Variants in UNC80 observed in about 807,000 individuals in gnomAD.
UNC80 encodes the protein protein unc-80 homolog.
UNC80 carries 164 observed loss-of-function variants against 384.6 expected under a neutral mutation model. The observed-to-expected ratio is 0.43, with a 90% confidence interval of 0.38 to 0.49. The LOEUF is 0.49. Among genes scored for constraint, UNC80 ranks in the 20% least tolerant of loss-of-function variants. UNC80 has a pLI of 0.00. For missense variants in UNC80, 3,330 were observed against 4,143.0 expected (o/e 0.80, Z 5.39); for synonymous variants, 1,486 against 1,527.8 (o/e 0.97, Z 0.64).
chr2:209,975,830 C>G (rs1469979811), intron 56 of UNC80, among the ~76,000 whole-genome samples: 8 of 152,098 alleles, frequency 5.3e-5, no homozygotes, highest in Non-Finnish European at 1.0e-4. Context: ...ATTTTCCTTT[C>G]AATTCAGTGG....
At position 209,773,071 on chromosome 2, in the gene UNC80, A is replaced by G. The variant is rs762828949; in HGVS notation, c.93-23A>G. The G allele has an allele frequency of 2.5e-6, 4 of 1,588,390 alleles. No individual in the cohort carries two copies. The Admixed American group carries it at 6.7e-5, about 27-fold the overall frequency. The stretch of plus-strand genomic sequence containing the variant: ...AATAATTTTACTTATGTTTATTAAC[A>G]AATATCTCTATTAATTTTTCAGTGC... On this transcript the variant is annotated intron_variant, in intron 1 of 64. Transcript: ENST00000673920.
chr2:209,939,793 G>A (rs1198149737), intron 43 of UNC80, 141 bp downstream of exon 43: 1 of 720,760 alleles, frequency 1.4e-6, no homozygotes, highest in East Asian at 3.0e-5. Context: ...GTATACATGT[G>A]CCATGTTGGT....
At chr2:209,959,302 G>T in intron 50 of UNC80, 148 bp downstream of exon 50, 1 of 1,178,922 alleles carries the variant, frequency 8.5e-7, no homozygotes, top group Non-Finnish European at 1.2e-6. Flanking sequence ...ACTACAGTTT[G>T]GGATGACAGT....
Position 209,865,411 on chromosome 2 carries a change from G to A in UNC80, c.3628-7347G>A, listed in dbSNP as rs376949207. Among the ~76,000 whole-genome samples the A allele has an allele frequency of 2.7e-4, 41 of 152,132 alleles. No individual in the cohort carries two copies. The East Asian group carries it at 7.4e-3, about 27-fold the overall frequency. ...AGGTCAGGAGATCGAGACCATCCTG[G>A]CTAACACGGTGAAACCCCATCTCTA... On this transcript the variant is annotated intron_variant, in intron 22 of 64. Coordinates refer to ENST00000673920, the MANE Select transcript of UNC80 (RefSeq NM_001371986.1).
intron 7 of UNC80, among the ~76,000 whole-genome samples, chr2:209,798,772 G>A (rs2078334756): frequency 6.6e-6 from 1 of 150,812 alleles, no homozygotes; most frequent in Admixed American, 6.6e-5. Flanking sequence ...CCACCTCCCA[G>A]GTTCACGCCA....
chr2:209,931,711 T>C (rs1388298565), intron 38 of UNC80, among the ~76,000 whole-genome samples: 3 of 152,192 alleles, frequency 2.0e-5, no homozygotes, highest in African/African-American at 7.2e-5. Flanking sequence ...GGTGATAAAT[T>C]TAACTCCCAC....
At position 209,882,092 on chromosome 2, in the gene UNC80, G is replaced by T. The variant is rs144098129; in HGVS notation, c.4110+998G>T. Reference sequence around the variant, plus strand: ...CACCATTCTCCTGCCACAGCCTCCCGAGTAGCTGGGACTACAGGCGCGTGC... The same window carrying T: ...CACCATTCTCCTGCCACAGCCTCCCTAGTAGCTGGGACTACAGGCGCGTGC... On this transcript the variant is annotated intron_variant, in intron 25 of 64. Coordinates refer to ENST00000673920, the MANE Select transcript of UNC80 (RefSeq NM_001371986.1). Among the ~76,000 whole-genome samples the T allele has an allele frequency of 9.3e-3, 1,392 of 150,128 alleles. 20 individuals carry two copies. Among genetic ancestry groups the T allele is most frequent in the African/African-American group, 0.031 (1,256 of 40,762 alleles).
At chr2:209,813,527 C>G (rs1391443252) in intron 7 of UNC80, 53 bp from the exon 8 acceptor site, 2 of 1,519,878 alleles carry the variant, frequency 1.3e-6, no homozygotes, top group African/African-American at 1.4e-5. Flanking sequence ...GCTGTGCTGC[C>G]CCTCTGAAAG....
At position 209,995,053 on chromosome 2, in the gene UNC80, G is replaced by A. The variant is rs1201750607; in HGVS notation, c.9709-276G>A. Among the ~76,000 whole-genome samples, 13 of 152,014 alleles carry A rather than the reference G, an allele frequency of 8.6e-5. 1 individual carries two copies. On this transcript the variant is annotated intron_variant, in intron 64 of 64. Transcript: ENST00000673920. ...GTATACATTTGTATAGTCTTTAATGGTTAAAAAACATTTTAACACTAAGCA... is the reference window on the plus strand; with the variant it reads ...GTATACATTTGTATAGTCTTTAATGATTAAAAAACATTTTAACACTAAGCA...
At chr2:209,950,464 G>A (rs538569149) in intron 47 of UNC80, among the ~76,000 whole-genome samples, 10 of 150,730 alleles carry the variant, frequency 6.6e-5, no homozygotes, top group African/African-American at 2.4e-4. Context: ...TTCCCTTTAC[G>A]AATAACCAGT....
intron 15 of UNC80, among the ~76,000 whole-genome samples, chr2:209,830,987 C>A (rs1033672543): frequency 6.6e-6 from 1 of 152,152 alleles, no homozygotes; most frequent in African/African-American, 2.4e-5. Flanking sequence ...GTTGGCCCCA[C>A]CTTATTCCAC....
chr2:209,925,680 C>T (rs986119236), intron 35 of UNC80, among the ~76,000 whole-genome samples: 8 of 152,122 alleles, frequency 5.3e-5, no homozygotes, highest in Non-Finnish European at 8.8e-5. Context: ...CTGACTGGTG[C>T]GATTTTACAG....
rs79122392 is a variant in UNC80 at position 209,955,650 on chromosome 2, A to G, written c.7457+1380A>G. On this transcript the variant is annotated intron_variant, in intron 48 of 64. Coordinates refer to ENST00000673920, the MANE Select transcript of UNC80 (RefSeq NM_001371986.1). ...ACTGGCCTTTTCCTACAACTAGAAG[A>G]AAGAAAAGCAGTCAATTGTTCCCAA... Among the ~76,000 whole-genome samples, 1,195 of 144,340 alleles carry G rather than the reference A, an allele frequency of 8.3e-3. 16 individuals are homozygous for G. The highest frequency in any genetic ancestry group is 0.027 in the African/African-American group (1,065 of 38,890). 94.7% of individuals were successfully genotyped at this position (144,340 alleles called of 152,430 possible). A position where few individuals can be genotyped will look rare whatever the true frequency, so the allele number is the denominator to read the frequency against.
rs1574376210 is a variant in UNC80 at position 209,771,914 on chromosome 2, T to C, written c.-159T>C. On this transcript the variant is annotated 5_prime_UTR_variant, in exon 1 of 65. Coordinates refer to ENST00000673920, the MANE Select transcript of UNC80 (RefSeq NM_001371986.1). The stretch of plus-strand genomic sequence containing the variant: ...GCCATGTTCCACGCGCGGGGAGGGG[T>C]GGGGGGAGGGGAGAGGCACGGGGGA... 1 of 546,674 alleles carries C rather than the reference T, an allele frequency of 1.8e-6. No individual in the cohort carries two copies. Among genetic ancestry groups the C allele is most frequent in the South Asian group, 1.9e-5 (1 of 51,900 alleles). 33.9% of individuals were successfully genotyped at this position (546,674 alleles called of 1,614,324 possible).
chr2:209,803,965 G>GA (rs2078722104), intron 7 of UNC80, among the ~76,000 whole-genome samples: 1 of 152,030 alleles, frequency 6.6e-6, no homozygotes, highest in Non-Finnish European at 1.5e-5. Context: ...TTGAACCCCT[G>GA]GCCTCAAGTG....
At chr2:209,972,586 T>A (rs902633725) in intron 55 of UNC80, among the ~76,000 whole-genome samples, 1 of 152,218 alleles carries the variant, frequency 6.6e-6, no homozygotes, top group Non-Finnish European at 1.5e-5. Flanking sequence ...GAACAGTCAT[T>A]CAATTCAGTT....
chr2:209,961,659 GA>G (rs917359348), intron 51 of UNC80, among the ~76,000 whole-genome samples: 7 of 151,822 alleles, frequency 4.6e-5, no homozygotes, highest in African/African-American at 1.7e-4. Flanking sequence ...AGCAAAGAAT[GA>G]AAAAAAGATT....
chr2:209,978,763 G>C, intron 59 of UNC80, 55 bp downstream of exon 59: 1 of 1,404,232 alleles, frequency 7.1e-7, no homozygotes, highest in Non-Finnish European at 9.5e-7. Flanking sequence ...TACGAGCAGG[G>C]GCTTGGGAAG....
chr2:209,968,938 T>C (rs1049888710), intron 52 of UNC80: 12 of 152,352 alleles, frequency 7.9e-5, no homozygotes, highest in African/African-American at 2.9e-4. Flanking sequence ...AAATGTTGAC[T>C]GAACCTGACC....
Sources: gnomAD v4.1 joint callset for allele counts (sites outside exome capture counted in the v4.1 genomes callset) on GRCh38, gnomAD v4.1.1 for gene constraint, MANE v1.5 for transcripts, NCBI Gene and HGNC (gene_info 2026-07-23, HGNC 2026-07-21) for gene names.